DIPK1A: variants seen among roughly 807,000 people sequenced by gnomAD.
DIPK1A encodes the protein divergent protein kinase domain 1A, also known as family with sequence similarity 69 member A.
In DIPK1A, 27 loss-of-function variants were observed where a neutral mutation model predicts 40.8. The observed-to-expected ratio is 0.66, with a 90% CI of 0.49 to 0.91. The LOEUF (loss-of-function observed/expected upper bound fraction) is 0.91. Ranked by LOEUF, DIPK1A falls within the 40% of genes least tolerant of loss-of-function variation. The pLI is 0.00. For missense variants in DIPK1A, 412 were observed against 505.7 expected (o/e 0.81, Z 1.78); for synonymous variants, 166 against 171.3 (o/e 0.97, Z 0.24).
chr1:92,833,590 A>G (rs761298943), intron 4 of DIPK1A: 1 of 1,613,126 alleles, frequency 6.2e-7, no homozygotes, highest in Non-Finnish European at 8.5e-7. Flanking sequence ...GTGATACAAG[A>G]TAAAAATAAA....
At chr1:92,839,652 G>A (rs1259125544), downstream of DIPK1A, among the ~76,000 whole-genome samples, 2 of 152,136 alleles carry the variant, frequency 1.3e-5, no homozygotes, top group East Asian at 1.9e-4. Context: ...TGTGACTCTT[G>A]GTCCCATACG....
chr1:92,948,093 T>A (rs1029807272), intron 1 of DIPK1A, among the ~76,000 whole-genome samples: 39 of 152,358 alleles, frequency 2.6e-4, no homozygotes, highest in African/African-American at 9.1e-4. Flanking sequence ...TTTAAGGGGA[T>A]AGACGTGCTA....
downstream of DIPK1A, among the ~76,000 whole-genome samples, chr1:92,839,192 C>G (rs2100692945): frequency 6.6e-6 from 1 of 151,974 alleles, no homozygotes; most frequent in South Asian, 2.1e-4. Flanking sequence ...AACCCTGTCT[C>G]TGCTAAAAAT....
chr1:92,833,676 G>A (rs745785928), intron 4 of DIPK1A: 2 of 1,588,582 alleles, frequency 1.3e-6, no homozygotes, highest in Non-Finnish European at 1.7e-6. Flanking sequence ...TTGTATTCTA[G>A]ACAGTCCCCT....
At chr1:92,858,941 G>T (rs919217173) in intron 2 of DIPK1A, among the ~76,000 whole-genome samples, 1 of 152,162 alleles carries the variant, frequency 6.6e-6, no homozygotes, top group African/African-American at 2.4e-5. Flanking sequence ...AGGATGATCA[G>T]CGAAAACATC....
chr1:92,946,685 T>A (rs1257857007), intron 1 of DIPK1A, among the ~76,000 whole-genome samples: 1 of 152,208 alleles, frequency 6.6e-6, no homozygotes, highest in African/African-American at 2.4e-5. Context: ...GGCTCATGCC[T>A]GTAGTCCCAG....
chr1:92,859,415 C>T (rs767404470), intron 2 of DIPK1A, among the ~76,000 whole-genome samples: 3 of 151,952 alleles, frequency 2.0e-5, no homozygotes, highest in Non-Finnish European at 4.4e-5. Context: ...CCCCCCTGCC[C>T]GCAACACACA....
At chr1:92,904,970 T>C (rs1649556176) in intron 1 of DIPK1A, among the ~76,000 whole-genome samples, 2 of 152,284 alleles carry the variant, frequency 1.3e-5, no homozygotes, top group Non-Finnish European at 2.9e-5. Flanking sequence ...CATGTTGTTG[T>C]AAATGACAGG....
chr1:92,902,045 G>A (rs374960892), intron 1 of DIPK1A, among the ~76,000 whole-genome samples: 30 of 152,098 alleles, frequency 2.0e-4, no homozygotes, highest in Admixed American at 5.9e-4. Context: ...GGTGGGGGAC[G>A]CGGGAGGGCA....
chr1:92,922,995 A>C (rs1650330080), intron 1 of DIPK1A, among the ~76,000 whole-genome samples: 1 of 151,606 alleles, frequency 6.6e-6, no homozygotes, highest in African/African-American at 2.4e-5. Context: ...GCTTCAGTAC[A>C]CCTCAGGGTG....
At chr1:92,833,442 A>G in intron 4 of DIPK1A, 2 of 1,614,112 alleles carry the variant, frequency 1.2e-6, no homozygotes, top group East Asian at 4.5e-5. Flanking sequence ...ACCAAGTGAA[A>G]TTTAGAAGAC....
chr1:92,923,107 C>T (rs1192192094), intron 1 of DIPK1A, among the ~76,000 whole-genome samples: 20 of 152,104 alleles, frequency 1.3e-4, no homozygotes, highest in Non-Finnish European at 2.9e-5. Flanking sequence ...TCATCTCAGC[C>T]TATTTGCTCC....
chr1:92,892,585 G>A (rs1648943330), intron 1 of DIPK1A, among the ~76,000 whole-genome samples: 1 of 152,062 alleles, frequency 6.6e-6, no homozygotes, highest in Non-Finnish European at 1.5e-5. Flanking sequence ...ATTCTAAAAA[G>A]CAGAGTGCCT....
At chr1:92,846,886 C>CGTATATATATATAT in intron 4 of DIPK1A, among the ~76,000 whole-genome samples, 1 of 4,932 alleles carries the variant, frequency 2.0e-4, no homozygotes, top group African/African-American at 1.4e-3. Flanking sequence ...TATATATACA[C>CGTATATATATATAT]ACACACGTAT....
chr1:92,849,276 C>T (rs567394815), intron 3 of DIPK1A, among the ~76,000 whole-genome samples: 1 of 151,840 alleles, frequency 6.6e-6, no homozygotes, highest in South Asian at 2.1e-4. Context: ...TATTTATCAA[C>T]TGTTTGTACC....
chr1:92,876,202 T>G, intron 2 of DIPK1A, 94 bp downstream of exon 2: 1 of 822,984 alleles, frequency 1.2e-6, no homozygotes. Flanking sequence ...TCAAATTAAC[T>G]TTTATTTTTA....
At chr1:92,889,489 G>A (rs2100798655) in intron 1 of DIPK1A, among the ~76,000 whole-genome samples, 1 of 152,130 alleles carries the variant, frequency 6.6e-6, no homozygotes, top group Non-Finnish European at 1.5e-5. Flanking sequence ...GTCTCTTATA[G>A]TTCTATATTA....
chr1:92,870,740 T>C (rs192608926), intron 2 of DIPK1A, among the ~76,000 whole-genome samples: 1 of 152,310 alleles, frequency 6.6e-6, no homozygotes, highest in East Asian at 1.9e-4. Context: ...GCTGAGTCCT[T>C]TAGGACTGCC....
In DIPK1A at chr1:92,858,469, A is replaced by G. The variant is rs1040716442; in HGVS notation, c.190-7514T>C. ...TCTCTAGCACACAGCACAGTTTGGT[A>G]TTTAAGTGTTCCGTAAATGTTTATT... On this transcript the variant is annotated intron_variant, in intron 2 of 4. Transcript: ENST00000370310. Among the ~76,000 whole-genome samples the G allele has an allele frequency of 7.9e-5, 12 of 152,322 alleles. No individual in the cohort carries two copies. The East Asian group carries it at 2.3e-3, about 29-fold the overall frequency.
Sources: gnomAD v4.1 joint callset for allele counts (sites outside exome capture counted in the v4.1 genomes callset) on GRCh38, gnomAD v4.1.1 for gene constraint, MANE v1.5 for transcripts, NCBI Gene and HGNC (gene_info 2026-07-23, HGNC 2026-07-21) for gene names.